Variants in CASK observed in about 807,000 individuals in gnomAD.
CASK encodes peripheral plasma membrane protein CASK.
In CASK, 4 loss-of-function variants were observed where a neutral mutation model predicts 82.9. That is an observed-to-expected ratio of 0.05 (90% CI 0.02 to 0.11). CASK has a LOEUF of 0.11. Ranked by LOEUF, CASK falls within the 10% of genes least tolerant of loss-of-function variation. CASK has a pLI of 1.00. For missense variants in CASK, 358 were observed against 720.9 expected, an observed-to-expected ratio of 0.50 and a Z score of 5.76; for synonymous variants, 259 against 253.5, an observed-to-expected ratio of 1.02 and a Z score of -0.20.
At chrX:41,885,651 C>A (rs1233211725) in intron 1 of CASK, among the ~76,000 whole-genome samples, 2 of 111,884 alleles carry the variant, frequency 1.8e-5, no homozygotes, top group African/African-American at 6.5e-5. Context: ...CCATTAGGAA[C>A]ACTCAACATC....
intron 18 of CASK, among the ~76,000 whole-genome samples, chrX:41,557,460 T>C (rs2065173442): frequency 9.0e-6 from 1 of 111,591 alleles, no homozygotes; most frequent in African/African-American, 3.3e-5. Flanking sequence ...CCCAACTGCC[T>C]AATTTTTATT....
intron 14 of CASK, among the ~76,000 whole-genome samples, chrX:41,583,398 T>C (rs1444247738): frequency 9.0e-6 from 1 of 111,552 alleles, no homozygotes; most frequent in Non-Finnish European, 1.9e-5. Context: ...TTGAGCTGAG[T>C]TTACTTAGCA....
intron 5 of CASK, among the ~76,000 whole-genome samples, chrX:41,716,768 TAAC>T (rs2068069169): frequency 8.9e-6 from 1 of 111,785 alleles, no homozygotes; most frequent in African/African-American, 3.3e-5. Context: ...AAATTGGGGC[TAAC>T]AATAAATGCA....
At chrX:41,815,165 T>G (rs888383562) in intron 2 of CASK, among the ~76,000 whole-genome samples, 3 of 111,832 alleles carry the variant, frequency 2.7e-5, no homozygotes, top group Non-Finnish European at 3.8e-5. Context: ...CTTGCATAAC[T>G]TGAAACTCCA....
rs189878234 is a variant in CASK, at chrX:41,917,273, T to C, written c.59+5657A>G. Among the ~76,000 whole-genome samples, 136 of 112,168 alleles carry C rather than the reference T, an allele frequency of 1.2e-3. 2 individuals carry two copies. The highest frequency in any genetic ancestry group is 4.3e-3 in the African/African-American group (132 of 30,883). ...CCCCTCTGAATCTCAGTGTTCTCTG[T>C]AAAATGGGTATGATTAAATAATACA... On this transcript the variant is annotated intron_variant, in intron 1 of 26. Transcript: ENST00000378163.
chrX:41,754,972 G>C (rs1320278006), intron 3 of CASK, among the ~76,000 whole-genome samples: 1 of 101,871 alleles, frequency 9.8e-6, no homozygotes, highest in African/African-American at 3.7e-5. Flanking sequence ...TCCACCTCCC[G>C]CGTTCAAGAG....
intron 5 of CASK, among the ~76,000 whole-genome samples, chrX:41,695,067 C>T (rs1465120606): frequency 2.7e-5 from 3 of 111,614 alleles, no homozygotes; most frequent in Middle Eastern, 4.2e-3. Flanking sequence ...TCACCACCAT[C>T]TGTATTCCCA....
intron 5 of CASK, chrX:41,727,856 A>G (rs375038532): frequency 2.3e-5 from 28 of 1,196,598 alleles, no homozygotes; most frequent in African/African-American, 3.5e-5. Flanking sequence ...GTTCTACACC[A>G]AAGAGATAAC....
intron 15 of CASK, among the ~76,000 whole-genome samples, chrX:41,577,751 T>C (rs1370894965): frequency 9.0e-6 from 1 of 111,669 alleles, no homozygotes; most frequent in Non-Finnish European, 1.9e-5. Context: ...CTTCTCAGTC[T>C]ACGAGAATTC....
chrX:41,591,471 T>C (rs569731986), intron 12 of CASK, among the ~76,000 whole-genome samples: 88 of 109,811 alleles, frequency 8.0e-4, no homozygotes, highest in South Asian at 5.3e-3. Context: ...CAATACTGTA[T>C]TGTGCACTTT....
intron 24 of CASK, among the ~76,000 whole-genome samples, chrX:41,531,518 A>C (rs1024724446): frequency 1.8e-5 from 2 of 112,395 alleles, no homozygotes; most frequent in Non-Finnish European, 3.8e-5. Flanking sequence ...CCCAAGATTA[A>C]TATAACTCAC....
At chrX:41,834,623 C>G (rs953810137) in intron 2 of CASK, among the ~76,000 whole-genome samples, 8 of 111,083 alleles carry the variant, frequency 7.2e-5, no homozygotes, top group African/African-American at 2.6e-4. Flanking sequence ...TTTTGCCTAA[C>G]CCTTGAGATA....
intron 2 of CASK, among the ~76,000 whole-genome samples, chrX:41,818,194 T>TGTGTGTGTGTGTG (rs1569458642): frequency 1.9e-5 from 2 of 102,682 alleles, no homozygotes; most frequent in Non-Finnish European, 4.0e-5. Flanking sequence ...TGTGTGTGTG[T>TGTGTGTGTGTGTG]TTGCTGAAAT....
intron 3 of CASK, among the ~76,000 whole-genome samples, chrX:41,759,691 G>C (rs183181690): frequency 9.0e-6 from 1 of 111,500 alleles, no homozygotes; most frequent in Non-Finnish European, 1.9e-5. Flanking sequence ...TTTCTGGGTT[G>C]ATCATGACTC....
At chrX:41,743,718 G>T in intron 4 of CASK, 1 of 297,449 alleles carries the variant, frequency 3.4e-6, no homozygotes, top group Non-Finnish European at 5.9e-6. Flanking sequence ...GTTGTTTCCA[G>T]CTATGTTTGT....
intron 16 of CASK, among the ~76,000 whole-genome samples, chrX:41,566,213 T>C (rs755917573): frequency 1.5e-4 from 17 of 111,773 alleles, no homozygotes; most frequent in Non-Finnish European, 2.8e-4. Context: ...CTATTCAACA[T>C]AGTGTTGGAA....
intron 12 of CASK, among the ~76,000 whole-genome samples, chrX:41,599,754 C>G (rs1039030692): frequency 8.9e-6 from 1 of 111,855 alleles, no homozygotes; most frequent in Non-Finnish European, 1.9e-5. Context: ...CCTAGCTTGA[C>G]TGTTCTCTAT....
At chrX:41,716,717 T>C (rs1050125110) in intron 5 of CASK, among the ~76,000 whole-genome samples, 1 of 111,595 alleles carries the variant, frequency 9.0e-6, no homozygotes, top group Non-Finnish European at 1.9e-5. Flanking sequence ...GATTGTGGGG[T>C]GGACTCCTAA....
rs940566136 is a variant in CASK at position 41,751,931 on chromosome X, A to C, written c.279-6330T>G. ...TGTGGTGGTACACACCTGTGGTCCC[A>C]GCTACTCAAGAGGCTGAGGTGGGAG... On this transcript the variant is annotated intron_variant, in intron 3 of 26. Transcript: ENST00000378163. Among the ~76,000 whole-genome samples the C allele has an allele frequency of 2.7e-5, 3 of 109,413 alleles. No individual in the cohort carries two copies. The East Asian group carries it at 8.7e-4, about 32-fold the overall frequency.
Sources: allele counts gnomAD v4.1 joint callset (sites outside exome capture counted in the v4.1 genomes callset), GRCh38; gene constraint gnomAD v4.1.1; transcripts MANE v1.5; gene names NCBI Gene and HGNC (gene_info 2026-07-23, HGNC 2026-07-21).